HRH1: variants seen among roughly 807,000 people sequenced by gnomAD.
The protein encoded by HRH1 is histamine receptor H1.
Under a neutral mutation model 10.3 loss-of-function variants are expected in HRH1, and 6 were observed. That is an observed-to-expected ratio of 0.58 (90% CI 0.32 to 1.15). The LOEUF (loss-of-function observed/expected upper bound fraction) is 1.15. Among genes scored for constraint, HRH1 ranks in the 50% most tolerant of loss-of-function variants. The probability of loss-of-function intolerance (pLI) is 0.05; values close to 1 mark genes in which losing one functional copy is unlikely to be tolerated. For missense variants in HRH1, 514 were observed against 615.3 expected (o/e 0.84, Z 1.74); for synonymous variants, 242 against 236.7 (o/e 1.02, Z -0.21).
rs746217005 is a variant in HRH1 at position 11,259,064 on chromosome 3, C to G, written c.27C>G (p.Leu9=). The G allele has an allele frequency of 3.7e-6, 6 of 1,608,222 alleles. No homozygotes were observed. Among genetic ancestry groups the G allele is most frequent in the Non-Finnish European group, 4.2e-6 (5 of 1,176,894 alleles). The change falls in exon 2 of 2, where the codon CTC becomes CTG. Residue 9 remains leucine, a synonymous_variant. Coordinates refer to ENST00000431010, the MANE Select transcript of HRH1 (RefSeq NM_001098212.2). This position sits in a 1 kb window ranked among gnomAD's most constrained non-coding sequence, Gnocchi z 4.6. MSLPNSSC[L]LEDKMCEGNK... ...TGAGCCTCCCCAATTCCTCCTGCCT[C>G]TTAGAAGACAAGATGTGTGAGGGCA...
At chr3:11,232,065 CA>C (rs1939057723) in intron 1 of HRH1, among the ~76,000 whole-genome samples, 1 of 151,210 alleles carries the variant, frequency 6.6e-6, no homozygotes, top group East Asian at 1.9e-4. Flanking sequence ...AATCTTGGCT[CA>C]CTGCAACACC....
At chr3:11,218,980 TC>T (rs1938607586) in intron 1 of HRH1, among the ~76,000 whole-genome samples, 1 of 152,266 alleles carries the variant, frequency 6.6e-6, no homozygotes, top group Non-Finnish European at 1.5e-5. Context: ...AACCTCCACC[TC>T]CTAGGTTCAA....
At chr3:11,241,790 G>T (rs965433202) in intron 1 of HRH1, among the ~76,000 whole-genome samples, 1 of 151,454 alleles carries the variant, frequency 6.6e-6, no homozygotes, top group Non-Finnish European at 1.5e-5. Context: ...GAGCCGAGAT[G>T]GCGCCACTGC....
intron 1 of HRH1, among the ~76,000 whole-genome samples, chr3:11,142,322 C>T (rs868691335): frequency 6.6e-6 from 1 of 152,270 alleles, no homozygotes; most frequent in South Asian, 2.1e-4. Flanking sequence ...GGCCCAGCTG[C>T]CTTATTTGCA....
chr3:11,175,073 G>A (rs1937224404), intron 1 of HRH1, among the ~76,000 whole-genome samples: 1 of 152,190 alleles, frequency 6.6e-6, no homozygotes, highest in Admixed American at 6.5e-5. Context: ...ACAGTAGACA[G>A]GAAGTGGGAG....
chr3:11,231,387 A>T (rs1210474305), intron 1 of HRH1, among the ~76,000 whole-genome samples: 1 of 152,130 alleles, frequency 6.6e-6, no homozygotes, highest in Non-Finnish European at 1.5e-5. Flanking sequence ...TGGTAGTTAC[A>T]TGTTTAGTAT....
intron 1 of HRH1, among the ~76,000 whole-genome samples, chr3:11,188,375 G>A (rs1449292250): frequency 6.6e-6 from 1 of 152,206 alleles, no homozygotes; most frequent in Admixed American, 6.5e-5. Context: ...GCCGAGGCGG[G>A]TGGATCTCTT....
chr3:11,209,946 A>T (rs1938267970), intron 1 of HRH1, among the ~76,000 whole-genome samples: 1 of 152,186 alleles, frequency 6.6e-6, no homozygotes, highest in Non-Finnish European at 1.5e-5. Flanking sequence ...TTGTCTCTGG[A>T]TCCTATCCCA....
At chr3:11,228,694 A>T (rs893639836) in intron 1 of HRH1, among the ~76,000 whole-genome samples, 9 of 152,196 alleles carry the variant, frequency 5.9e-5, no homozygotes, top group African/African-American at 1.7e-4. Flanking sequence ...AGATGGGTGG[A>T]TCACCTGAGG....
At chr3:11,238,163 GACAA>G (rs1361110561) in intron 1 of HRH1, among the ~76,000 whole-genome samples, 12 of 152,124 alleles carry the variant, frequency 7.9e-5, no homozygotes, top group Admixed American at 1.3e-4. Flanking sequence ...GTGGGGAGCA[GACAA>G]ACAATCAAAC....
At chr3:11,160,919 C>T (rs1936909211) in intron 1 of HRH1, among the ~76,000 whole-genome samples, 1 of 152,182 alleles carries the variant, frequency 6.6e-6, no homozygotes, top group Admixed American at 6.5e-5. Context: ...CTTGTATAGA[C>T]CTTTTGGTCT....
intron 1 of HRH1, among the ~76,000 whole-genome samples, chr3:11,228,231 A>T (rs1209804979): frequency 2.0e-5 from 3 of 152,162 alleles, no homozygotes; most frequent in African/African-American, 7.2e-5. Flanking sequence ...GAGTTTTAAA[A>T]ATCCAGGCCA....
intron 1 of HRH1, among the ~76,000 whole-genome samples, chr3:11,175,504 C>T (rs572917802): frequency 6.6e-6 from 1 of 152,318 alleles, no homozygotes; most frequent in South Asian, 2.1e-4. Context: ...CCCTCTTCAG[C>T]ACCCTGAAAT....
intron 1 of HRH1, among the ~76,000 whole-genome samples, chr3:11,235,469 G>T (rs976707996): frequency 6.6e-6 from 1 of 152,058 alleles, no homozygotes; most frequent in Non-Finnish European, 1.5e-5. Context: ...CTTGAAGGGC[G>T]TGGCTTCCTC....
upstream of HRH1, among the ~76,000 whole-genome samples, chr3:11,154,166 C>T (rs1302754820): frequency 6.6e-6 from 1 of 152,134 alleles, no homozygotes; most frequent in Non-Finnish European, 1.5e-5. This position sits in a 1 kb window ranked among gnomAD's most constrained non-coding sequence, Gnocchi z 4.4. Flanking sequence ...GTTGTCTCAC[C>T]AAGGTTCTGA....
At chr3:11,140,306 T>C (rs1196977659) in intron 1 of HRH1, among the ~76,000 whole-genome samples, 1 of 152,088 alleles carries the variant, frequency 6.6e-6, no homozygotes, top group African/African-American at 2.4e-5. Flanking sequence ...ACAGGAATGA[T>C]TTTCACCCAA....
chr3:11,226,939 C>T (rs1938902287), intron 1 of HRH1, among the ~76,000 whole-genome samples: 2 of 151,486 alleles, frequency 1.3e-5, no homozygotes, highest in South Asian at 4.2e-4. Context: ...TGGGTTGTTA[C>T]CCTTGTATCA....
chr3:11,234,144 C>T (rs1387292324), intron 1 of HRH1: 9 of 672,932 alleles, frequency 1.3e-5, no homozygotes, highest in Non-Finnish European at 2.0e-5. Flanking sequence ...TTGTATATTA[C>T]AGTGCACAGG....
chr3:11,227,092 A>T (rs1055052983), intron 1 of HRH1, among the ~76,000 whole-genome samples: 7 of 152,096 alleles, frequency 4.6e-5, no homozygotes, highest in Admixed American at 4.6e-4. Flanking sequence ...GAGCAGAAAG[A>T]CCAGTTAGGA....
Sources: gnomAD v4.1 joint callset for allele counts (sites outside exome capture counted in the v4.1 genomes callset) on GRCh38, gnomAD v4.1.1 for gene constraint, Gnocchi (gnomAD v3.1) non-coding constraint, MANE v1.5 for transcripts, NCBI Gene and HGNC (gene_info 2026-07-23, HGNC 2026-07-21) for gene names.